CADM2: variants seen among roughly 807,000 people sequenced by gnomAD.
CADM2 encodes immunoglobulin superfamily member 4D.
A neutral mutation model predicts 49.8 loss-of-function variants in CADM2; 12 were observed. That is an observed-to-expected ratio of 0.24 (90% confidence interval 0.15 to 0.39). The LOEUF is 0.39. Ranked by LOEUF, CADM2 falls within the 10% of genes least tolerant of loss-of-function variation. CADM2 has a pLI of 1.00. For missense variants in CADM2, 378 were observed against 492.3 expected (o/e 0.77, Z 2.20); for synonymous variants, 214 against 175.4 (o/e 1.22, Z -1.74).
intron 1 of CADM2, among the ~76,000 whole-genome samples, chr3:85,231,703 CTTTCT>C (rs2042293010): frequency 6.9e-6 from 1 of 145,506 alleles, no homozygotes; most frequent in African/African-American, 2.6e-5. Flanking sequence ...ATTAAGTTTC[CTTTCT>C]TTTTTTTTTT....
At chr3:85,033,305 G>A (rs1213126190) in intron 1 of CADM2, among the ~76,000 whole-genome samples, 1 of 152,114 alleles carries the variant, frequency 6.6e-6, no homozygotes, top group Non-Finnish European at 1.5e-5. Flanking sequence ...CTCCCAAGGT[G>A]CTCACTGAAT....
At chr3:85,262,302 T>C (rs1427157478) in intron 1 of CADM2, among the ~76,000 whole-genome samples, 3 of 152,110 alleles carry the variant, frequency 2.0e-5, no homozygotes, top group African/African-American at 7.2e-5. Flanking sequence ...AGAGAAATTT[T>C]TGAATCTCAA....
chr3:85,529,691 C>T (rs12633657), intron 1 of CADM2, among the ~76,000 whole-genome samples: 2 of 151,560 alleles, frequency 1.3e-5, no homozygotes, highest in Admixed American at 6.6e-5. Flanking sequence ...CCATCCTCTC[C>T]GTCACTGCTT....
At chr3:85,959,082 A>T (rs1245976677) in intron 7 of CADM2, among the ~76,000 whole-genome samples, 1 of 151,086 alleles carries the variant, frequency 6.6e-6, no homozygotes, top group African/African-American at 2.4e-5. Context: ...CTATATAGCT[A>T]TATCTATATC....
chr3:85,170,624 T>C (rs2040599834), intron 1 of CADM2, among the ~76,000 whole-genome samples: 1 of 152,220 alleles, frequency 6.6e-6, no homozygotes, highest in South Asian at 2.1e-4. Context: ...TGACTCATCG[T>C]GCAGGCCTGT....
intron 1 of CADM2, among the ~76,000 whole-genome samples, chr3:85,352,764 G>A (rs2031471695): frequency 6.6e-6 from 1 of 152,026 alleles, no homozygotes; most frequent in African/African-American, 2.4e-5. Flanking sequence ...CAAATGACTG[G>A]ATGACCATGT....
chr3:85,248,145 G>A (rs2042690909), intron 1 of CADM2, among the ~76,000 whole-genome samples: 1 of 151,850 alleles, frequency 6.6e-6, no homozygotes, highest in South Asian at 2.1e-4. Flanking sequence ...TAAAATATTT[G>A]GTATTAATTA....
chr3:85,119,106 A>G (rs572562039), intron 1 of CADM2, among the ~76,000 whole-genome samples: 4 of 152,232 alleles, frequency 2.6e-5, no homozygotes, highest in Non-Finnish European at 5.9e-5. Flanking sequence ...GATATATACA[A>G]TGTTCTAGTT....
chr3:85,251,623 A>C (rs1305761112), intron 1 of CADM2, among the ~76,000 whole-genome samples: 2 of 151,990 alleles, frequency 1.3e-5, no homozygotes, highest in African/African-American at 2.4e-5. Context: ...GTATCATCTG[A>C]ATTTTCATTC....
At chr3:84,959,917 C>A (rs1269077252) in intron 1 of CADM2, among the ~76,000 whole-genome samples, 1 of 152,078 alleles carries the variant, frequency 6.6e-6, no homozygotes, top group Non-Finnish European at 1.5e-5. Context: ...TCTCATTCAC[C>A]TGAGCTTCCT....
chr3:86,007,885 T>C lies in CADM2; in HGVS notation c.970+46238T>C, dbSNP rs780398752. Among the ~76,000 whole-genome samples the C allele has an allele frequency of 3.9e-5, 6 of 152,316 alleles. No individual in the cohort carries two copies. The East Asian group carries it at 1.2e-3, about 29-fold the overall frequency. On this transcript the variant is annotated intron_variant, in intron 8 of 9. Transcript: ENST00000383699. ...TAAAGATGGTATTTTTATCTTAAAT[T>C]TCAGATGAGCAATGTCTTGTTCTTC...
chr3:85,224,085 G>C (rs1365965757), intron 1 of CADM2, among the ~76,000 whole-genome samples: 2 of 152,134 alleles, frequency 1.3e-5, no homozygotes, highest in Non-Finnish European at 2.9e-5. Flanking sequence ...TATCTTTATA[G>C]TAGAATGATT....
chr3:85,450,227 G>T lies in CADM2; in HGVS notation c.62-276295G>T, dbSNP rs993135. 1.1e-3 allele frequency among the ~76,000 whole-genome samples: 164 copies of T among 152,082 alleles called. 1 individual carries two copies. Among genetic ancestry groups the T allele is most frequent in the Admixed American group, 2.6e-3 (40 of 15,284 alleles). ...GATCCGGAGTGATTTTTTTTTAATT[G>T]TCACATATGTTATGGTCTAATTTAC... On this transcript the variant is annotated intron_variant, in intron 1 of 9. Coordinates refer to ENST00000383699, the MANE Select transcript of CADM2 (RefSeq NM_001167675.2).
intron 1 of CADM2, among the ~76,000 whole-genome samples, chr3:85,230,025 T>C (rs769324938): frequency 1.6e-4 from 24 of 152,170 alleles, no homozygotes; most frequent in Non-Finnish European, 3.1e-4. Context: ...CTTTCCCACA[T>C]TGAACTCAGA....
chr3:85,023,309 A>C (rs1576055738), intron 1 of CADM2, among the ~76,000 whole-genome samples: 1 of 152,228 alleles, frequency 6.6e-6, no homozygotes, highest in East Asian at 1.9e-4. Flanking sequence ...TTACCTCAGT[A>C]GGGCTGGTTT....
At chr3:85,337,435 G>A (rs1275517661) in intron 1 of CADM2, among the ~76,000 whole-genome samples, 1 of 151,354 alleles carries the variant, frequency 6.6e-6, no homozygotes, top group Non-Finnish European at 1.5e-5. Flanking sequence ...GAAAAACATG[G>A]AAACAAATAT....
chr3:85,089,240 G>C (rs1406410593), intron 1 of CADM2, among the ~76,000 whole-genome samples: 1 of 151,910 alleles, frequency 6.6e-6, no homozygotes, highest in Admixed American at 6.6e-5. Flanking sequence ...AGTTCTTCAA[G>C]CATTTTTATT....
intron 1 of CADM2, among the ~76,000 whole-genome samples, chr3:85,405,255 T>A (rs2035314876): frequency 6.6e-6 from 1 of 152,210 alleles, no homozygotes; most frequent in African/African-American, 2.4e-5. Context: ...AGAACAGTTT[T>A]GATGGCCTGA....
intron 8 of CADM2, among the ~76,000 whole-genome samples, chr3:85,989,908 G>C (rs994989675): frequency 2.0e-5 from 3 of 149,312 alleles, no homozygotes; most frequent in African/African-American, 7.4e-5. Context: ...AGCTACTCAG[G>C]AGGCTGAGGC....
Sources: gnomAD v4.1 joint callset for allele counts (sites outside exome capture counted in the v4.1 genomes callset) on GRCh38, gnomAD v4.1.1 for gene constraint, MANE v1.5 for transcripts, NCBI Gene and HGNC (gene_info 2026-07-23, HGNC 2026-07-21) for gene names.